NR1H4: variants seen among roughly 807,000 people sequenced by gnomAD.
NR1H4 encodes nuclear receptor subfamily 1 group H member 4.
A neutral mutation model predicts 58.5 loss-of-function variants in NR1H4; 23 were observed. The observed-to-expected ratio is 0.39, with a 90% confidence interval of 0.28 to 0.56. NR1H4 has a LOEUF of 0.56. Among genes scored for constraint, NR1H4 ranks in the 20% least tolerant of loss-of-function variants. The probability of loss-of-function intolerance (pLI) is 0.58; values close to 1 mark genes in which losing one functional copy is unlikely to be tolerated. For synonymous variants in NR1H4, 214 were observed against 198.0 expected (o/e 1.08, Z -0.68); for missense variants, 487 against 576.9 (o/e 0.84, Z 1.60).
intron 3 of NR1H4, among the ~76,000 whole-genome samples, chr12:100,501,893 C>T (rs1953843123): frequency 6.6e-6 from 1 of 152,196 alleles, no homozygotes; most frequent in Admixed American, 6.5e-5. Context: ...TATGCCTGGG[C>T]TCCACCCTGG....
At chr12:100,477,610 G>T (rs1418700695) in intron 1 of NR1H4, among the ~76,000 whole-genome samples, 1 of 152,166 alleles carries the variant, frequency 6.6e-6, no homozygotes, top group Non-Finnish European at 1.5e-5. Flanking sequence ...ATGTAGTTGT[G>T]CATGGAGAAG....
chr12:100,559,737 C>T (rs35730), intron 9 of NR1H4, among the ~76,000 whole-genome samples: 79,487 of 152,080 alleles, frequency 0.52, 21,561 homozygotes, highest in Non-Finnish European at 0.61. Flanking sequence ...CGCCCAGTCC[C>T]ATCGACCACC....
intron 4 of NR1H4, among the ~76,000 whole-genome samples, chr12:100,529,452 C>T (rs1008234090): frequency 1.3e-5 from 2 of 152,132 alleles, no homozygotes; most frequent in Admixed American, 6.6e-5. Context: ...TTAATGGCTT[C>T]CCTCTTTCAA....
chr12:100,483,985 GAAAAA>G (rs61582838), intron 1 of NR1H4, among the ~76,000 whole-genome samples: 3 of 70,240 alleles, frequency 4.3e-5, no homozygotes, highest in Admixed American at 1.8e-4. Flanking sequence ...CTCTGTCTCA[GAAAAA>G]AAAAAAAAAA....
intron 6 of NR1H4, 132 bp downstream of exon 6, chr12:100,535,155 T>C: frequency 1.0e-6 from 1 of 981,326 alleles, no homozygotes; most frequent in South Asian, 1.4e-5. Flanking sequence ...TTCATTAAAA[T>C]GGATTCCTAA....
At chr12:100,515,371 C>T (rs1158056667) in intron 4 of NR1H4, among the ~76,000 whole-genome samples, 1 of 151,878 alleles carries the variant, frequency 6.6e-6, no homozygotes, top group Admixed American at 6.6e-5. Flanking sequence ...GGAGTTTCAC[C>T]ATGTTGGCCA....
In NR1H4 at chr12:100,563,776, A is replaced by T. The variant is rs1955525863; in HGVS notation, c.*287A>T. ...CAATTCTATCTGTTGAACTAGGGAA[A>T]ATCTCATTTTGCTCATCTTACCATA... On this transcript the variant is annotated 3_prime_UTR_variant, in exon 11 of 11. Coordinates refer to ENST00000392986, the MANE Select transcript of NR1H4 (RefSeq NM_001206979.2). The T allele has an allele frequency of 5.2e-6, 2 of 387,500 alleles. No homozygotes were observed. Among genetic ancestry groups the T allele is most frequent in the African/African-American group, 4.0e-5 (2 of 49,594 alleles). The allele number at this position is 387,500 out of a possible 1,614,324, so 24.0% of individuals were successfully genotyped here. A position where few individuals can be genotyped will look rare whatever the true frequency, so the allele number is the denominator to read the frequency against.
chr12:100,552,662 C>G (rs1415075701), intron 9 of NR1H4, among the ~76,000 whole-genome samples: 1 of 152,172 alleles, frequency 6.6e-6, no homozygotes, highest in Non-Finnish European at 1.5e-5. Context: ...GTGGCTCACT[C>G]CCATAATCCC....
chr12:100,503,417 T>A (rs1371674593), intron 3 of NR1H4: 2 of 1,597,458 alleles, frequency 1.3e-6, no homozygotes, highest in African/African-American at 2.7e-5. Flanking sequence ...GGTTAGAAAA[T>A]CCAATTCAAA....
intron 8 of NR1H4, 114 bp from the exon 9 acceptor site, chr12:100,540,558 C>T (rs930401124): frequency 5.9e-6 from 7 of 1,177,878 alleles, no homozygotes; most frequent in Non-Finnish European, 8.8e-6. Flanking sequence ...ACTAGACTAC[C>T]CAATTTTAAA....
At chr12:100,551,071 T>A (rs1375194806) in intron 9 of NR1H4, among the ~76,000 whole-genome samples, 1 of 152,206 alleles carries the variant, frequency 6.6e-6, no homozygotes, top group Non-Finnish European at 1.5e-5. Context: ...TCTTTCTATA[T>A]GTGGCATCTG....
chr12:100,487,595 C>CTTTTTTTT (rs34694873), intron 1 of NR1H4, among the ~76,000 whole-genome samples: 4 of 115,984 alleles, frequency 3.4e-5, no homozygotes, highest in Admixed American at 1.1e-4. Context: ...TCTTCTTCTT[C>CTTTTTTTT]TTTTTTTTTT....
At chr12:100,538,067 TAGG>T (rs964933563) in intron 8 of NR1H4, among the ~76,000 whole-genome samples, 4 of 152,136 alleles carry the variant, frequency 2.6e-5, no homozygotes, top group Admixed American at 1.3e-4. Context: ...TTATTTGAGA[TAGG>T]AGAGAAAATT....
At chr12:100,502,570 T>C (rs988398080) in intron 3 of NR1H4, among the ~76,000 whole-genome samples, 2 of 152,240 alleles carry the variant, frequency 1.3e-5, no homozygotes, top group Admixed American at 1.3e-4. Context: ...TTCTCTGTAA[T>C]GACCCTATCA....
intron 1 of NR1H4, among the ~76,000 whole-genome samples, chr12:100,489,684 T>G (rs747527764): frequency 1.3e-5 from 2 of 152,136 alleles, no homozygotes; most frequent in Non-Finnish European, 2.9e-5. Context: ...TACTGAAGAG[T>G]GAGAACAATA....
At chr12:100,527,950 C>T (rs1415126413) in intron 4 of NR1H4, among the ~76,000 whole-genome samples, 1 of 152,106 alleles carries the variant, frequency 6.6e-6, no homozygotes, top group East Asian at 1.9e-4. Flanking sequence ...TTGCCATTTA[C>T]CATTTTAGAA....
chr12:100,529,143 C>T (rs1265613370), intron 4 of NR1H4, among the ~76,000 whole-genome samples: 2 of 152,134 alleles, frequency 1.3e-5, no homozygotes, highest in Non-Finnish European at 2.9e-5. Context: ...TAAGATCTTT[C>T]CTACTGAAAT....
chr12:100,548,016 G>C lies in NR1H4; in HGVS notation c.1078+7198G>C, dbSNP rs186102170. Among the ~76,000 whole-genome samples, 2 of 149,090 alleles carry C rather than the reference G, an allele frequency of 1.3e-5. 1 individual carries two copies. Among genetic ancestry groups the C allele is most frequent in the Non-Finnish European group, 3.0e-5 (2 of 67,320 alleles). On this transcript the variant is annotated intron_variant, in intron 9 of 10. Transcript: ENST00000392986. ...ATTACAGGCTTGAGCCACCGCACCCGGCCCTGTTCCTCTTTTTATTATATT... is the reference window on the plus strand; with the variant it reads ...ATTACAGGCTTGAGCCACCGCACCCCGCCCTGTTCCTCTTTTTATTATATT...
At chr12:100,478,131 A>T (rs1953308475) in intron 1 of NR1H4, among the ~76,000 whole-genome samples, 1 of 152,010 alleles carries the variant, frequency 6.6e-6, no homozygotes, top group Admixed American at 6.6e-5. Flanking sequence ...GATTGTAAAA[A>T]AATGTGCCAC....
Sources: allele counts gnomAD v4.1 joint callset (sites outside exome capture counted in the v4.1 genomes callset), GRCh38; gene constraint gnomAD v4.1.1; transcripts MANE v1.5; gene names NCBI Gene and HGNC (gene_info 2026-07-23, HGNC 2026-07-21).